The following EYA1 variants were observed in gnomAD, a reference collection of about 807,000 sequenced individuals.
The protein encoded by EYA1 is protein phosphatase EYA1.
A neutral mutation model predicts 82.0 loss-of-function variants in EYA1; 16 were observed. The ratio of observed to expected loss-of-function variants is 0.20; its 90% CI spans 0.13 to 0.30. The LOEUF is 0.30. EYA1 is among the 10% of genes least tolerant of loss of function. The pLI is 1.00. For synonymous variants in EYA1, 261 were observed against 264.4 expected (o/e 0.99, Z 0.12); for missense variants, 633 against 730.7 (o/e 0.87, Z 1.54).
intron 17 of EYA1, among the ~76,000 whole-genome samples, chr8:71,202,716 A>G (rs1283907536): frequency 1.3e-5 from 2 of 152,184 alleles, no homozygotes; most frequent in African/African-American, 4.8e-5. Context: ...CTCCACCCAC[A>G]AGGATAGCAA....
Position 71,199,243 on chromosome 8 carries a change from G to T in EYA1, c.*97C>A. The T allele has an allele frequency of 1.1e-6, 1 of 875,546 alleles. No homozygotes were observed. Among genetic ancestry groups the T allele is most frequent in the Non-Finnish European group, 1.8e-6 (1 of 541,776 alleles). 54.2% of individuals were successfully genotyped at this position (875,546 alleles called of 1,614,324 possible). Reference sequence around the variant, plus strand: ...AACTGCGCATCACCAGGCGGAAATTGCTAAGTTCTGGAGGCCGGCGCTGAT... The same window carrying T: ...AACTGCGCATCACCAGGCGGAAATTTCTAAGTTCTGGAGGCCGGCGCTGAT... On this transcript the variant is annotated 3_prime_UTR_variant, in exon 18 of 18. Transcript: ENST00000340726.
At chr8:71,228,995 G>C (rs1359301562) in intron 12 of EYA1, among the ~76,000 whole-genome samples, 1 of 152,078 alleles carries the variant, frequency 6.6e-6, no homozygotes, top group African/African-American at 2.4e-5. Flanking sequence ...GGGGAGACAG[G>C]GAATATGTTT....
At chr8:71,405,530 C>A (rs1052055558) in intron 2 of EYA1, among the ~76,000 whole-genome samples, 4 of 152,174 alleles carry the variant, frequency 2.6e-5, no homozygotes, top group Non-Finnish European at 5.9e-5. Flanking sequence ...TGTTTATTAT[C>A]ACTGTTATTT....
intron 2 of EYA1, among the ~76,000 whole-genome samples, chr8:71,451,355 TG>T: frequency 6.6e-6 from 1 of 152,220 alleles, no homozygotes; most frequent in Non-Finnish European, 1.5e-5. Flanking sequence ...AATATTATAC[TG>T]TCAATTAAAA....
rs117394899 is a variant in EYA1, at chr8:71,198,118, T to G, written c.*1222A>C. The G allele has an allele frequency of 0.014, 2,113 of 151,630 alleles. 33 individuals are homozygous for G. Among genetic ancestry groups the G allele is most frequent in the Middle Eastern group, 0.037 (11 of 294 alleles). 9.4% of individuals were successfully genotyped at this position (151,630 alleles called of 1,614,324 possible). A position where few individuals can be genotyped will look rare whatever the true frequency, so the allele number is the denominator to read the frequency against. ...CGAAAGAAAATGCAGACACGATAAT[T>G]AATAATTCTGAGCACATGAAAACTT... On this transcript the variant is annotated 3_prime_UTR_variant, in exon 18 of 18. Transcript: ENST00000340726.
intron 2 of EYA1, among the ~76,000 whole-genome samples, chr8:71,411,403 T>A (rs1830580231): frequency 1.8e-5 from 1 of 55,408 alleles, no homozygotes; most frequent in African/African-American, 9.9e-5. Context: ...ACTAAAGAGC[T>A]TCTGCACAGC....
intron 2 of EYA1, among the ~76,000 whole-genome samples, chr8:71,437,445 C>G (rs1311702017): frequency 6.6e-6 from 1 of 151,884 alleles, no homozygotes; most frequent in South Asian, 2.1e-4. Flanking sequence ...TTGTCCATCT[C>G]TAAAATGTGT....
At chr8:71,461,706 C>T (rs1808374121) in intron 2 of EYA1, among the ~76,000 whole-genome samples, 1 of 152,118 alleles carries the variant, frequency 6.6e-6, no homozygotes, top group Non-Finnish European at 1.5e-5. Flanking sequence ...ATGAGGTACG[C>T]AGACAAGTGG....
intron 2 of EYA1, among the ~76,000 whole-genome samples, chr8:71,452,227 C>T (rs1009160224): frequency 1.3e-5 from 2 of 152,188 alleles, no homozygotes; most frequent in African/African-American, 4.8e-5. Context: ...GGGGAAGGGG[C>T]GCCCGCCATT....
At chr8:71,372,720 C>G (rs563587824) in intron 2 of EYA1, among the ~76,000 whole-genome samples, 56 of 152,112 alleles carry the variant, frequency 3.7e-4, no homozygotes, top group African/African-American at 1.3e-3. Flanking sequence ...GGGGAGAGCA[C>G]AGAATTGAAT....
intron 7 of EYA1, among the ~76,000 whole-genome samples, chr8:71,302,530 T>C (rs1820318024): frequency 9.9e-6 from 1 of 100,882 alleles, no homozygotes; most frequent in East Asian, 2.9e-4. Flanking sequence ...TTCCATTCCA[T>C]TTAGTATGCC....
intron 9 of EYA1, among the ~76,000 whole-genome samples, chr8:71,293,156 A>G (rs1819191683): frequency 6.6e-6 from 1 of 152,150 alleles, no homozygotes; most frequent in African/African-American, 2.4e-5. Context: ...AATGTTATGA[A>G]CAATTCTATA....
chr8:71,251,346 C>A (rs1053225655), intron 11 of EYA1, among the ~76,000 whole-genome samples: 4 of 152,164 alleles, frequency 2.6e-5, no homozygotes, highest in African/African-American at 9.7e-5. Context: ...TTCTTATGTA[C>A]AGGAAATTCT....
chr8:71,290,925 T>A (rs1208827242), intron 9 of EYA1, among the ~76,000 whole-genome samples: 1 of 152,228 alleles, frequency 6.6e-6, no homozygotes, highest in Non-Finnish European at 1.5e-5. Context: ...TACAAATATT[T>A]GTTTTGCCGA....
At position 71,307,767 on chromosome 8, in the gene EYA1, T is replaced by C. The variant is rs538807401; in HGVS notation, c.557-8047A>G. ...ACAAGAACTTCGCATCCACATACCATCGGAGCATGCCGCTAGGATGTTAAC... is the reference window on the plus strand; with the variant it reads ...ACAAGAACTTCGCATCCACATACCACCGGAGCATGCCGCTAGGATGTTAAC... On this transcript the variant is annotated intron_variant, in intron 7 of 17. Coordinates refer to ENST00000340726, the MANE Select transcript of EYA1 (RefSeq NM_000503.6). Among the ~76,000 whole-genome samples the C allele has an allele frequency of 3.3e-5, 5 of 152,322 alleles. No homozygotes were observed. In the South Asian group the frequency reaches 1.0e-3, roughly 32 times the overall value.
intron 2 of EYA1, among the ~76,000 whole-genome samples, chr8:71,474,076 A>G (rs546449799): frequency 6.6e-6 from 1 of 152,212 alleles, no homozygotes; most frequent in African/African-American, 2.4e-5. Context: ...GAGGAATAGC[A>G]TTAGGAGAAA....
intron 2 of EYA1, among the ~76,000 whole-genome samples, chr8:71,474,075 C>T (rs1429875073): frequency 5.9e-5 from 9 of 151,666 alleles, no homozygotes; most frequent in African/African-American, 2.4e-5. Flanking sequence ...AGAGGAATAG[C>T]ATTAGGAGAA....
intron 2 of EYA1, among the ~76,000 whole-genome samples, chr8:71,412,484 T>C (rs1213614477): frequency 6.6e-6 from 1 of 152,122 alleles, no homozygotes; most frequent in Non-Finnish European, 1.5e-5. Context: ...GATAACTGCA[T>C]ATGTTTAAGT....
chr8:71,357,142 A>C (rs1826966493), intron 1 of EYA1, among the ~76,000 whole-genome samples: 2 of 152,252 alleles, frequency 1.3e-5, no homozygotes, highest in Non-Finnish European at 2.9e-5. Flanking sequence ...CACTCCACTG[A>C]ACAATGTGCT....
Sources: allele counts gnomAD v4.1 joint callset (sites outside exome capture counted in the v4.1 genomes callset), GRCh38; gene constraint gnomAD v4.1.1; transcripts MANE v1.5; gene names NCBI Gene and HGNC (gene_info 2026-07-23, HGNC 2026-07-21).